SCHIP1: variants seen among roughly 807,000 people sequenced by gnomAD.
The protein encoded by SCHIP1 is schwannomin-interacting protein 1.
A neutral mutation model predicts 29.7 loss-of-function variants in SCHIP1; 8 were observed. The ratio of observed to expected loss-of-function variants is 0.27; its 90% CI spans 0.16 to 0.49. The LOEUF (loss-of-function observed/expected upper bound fraction) is 0.49. SCHIP1 is among the 20% of genes least tolerant of loss of function. The pLI, the probability that SCHIP1 is intolerant of heterozygous loss-of-function variation, is 0.99. For synonymous variants in SCHIP1, 76 were observed against 94.9 expected, an observed-to-expected ratio of 0.80 and a Z score of 1.16; for missense variants, 193 against 294.6, an observed-to-expected ratio of 0.66 and a Z score of 2.52.
At chr3:159,812,621 ATTG>A in the SCHIP1 span, among the ~76,000 whole-genome samples, 1 of 152,218 alleles carries the variant, frequency 6.6e-6, no homozygotes, top group Non-Finnish European at 1.5e-5. Flanking sequence ...AATAATCAGT[ATTG>A]TTAATTGAAA....
chr3:159,500,433 G>A, the SCHIP1 span, among the ~76,000 whole-genome samples: 3 of 152,194 alleles, frequency 2.0e-5, no homozygotes, highest in East Asian at 5.8e-4. Context: ...AAGAGACCAG[G>A]CTGGGCATGT....
At chr3:159,674,912 CG>C in the SCHIP1 span, among the ~76,000 whole-genome samples, 21 of 152,270 alleles carry the variant, frequency 1.4e-4, no homozygotes, top group African/African-American at 4.8e-4. Flanking sequence ...GCAGTATCTA[CG>C]GAGTTTAAGG....
chr3:159,626,086 T>TATATA, the SCHIP1 span, among the ~76,000 whole-genome samples: 4 of 103,600 alleles, frequency 3.9e-5, no homozygotes, highest in South Asian at 3.1e-4. Flanking sequence ...AGAGTGCAGC[T>TATATA]TATATAGATA....
At chr3:159,385,847 C>G in the SCHIP1 span, among the ~76,000 whole-genome samples, 1 of 152,158 alleles carries the variant, frequency 6.6e-6, no homozygotes, top group Admixed American at 6.5e-5. Flanking sequence ...CCTCCCCTAG[C>G]CCCCCATCCC....
At chr3:159,532,227 T>G in the SCHIP1 span, among the ~76,000 whole-genome samples, 1 of 152,214 alleles carries the variant, frequency 6.6e-6, no homozygotes. Context: ...TTTTAGCTGT[T>G]GAGTATTTTA....
chr3:159,486,989 C>T, the SCHIP1 span, among the ~76,000 whole-genome samples: 8 of 152,186 alleles, frequency 5.3e-5, no homozygotes, highest in Admixed American at 2.6e-4. Flanking sequence ...TTTTTGGCAG[C>T]TAGCAATGTC....
At chr3:159,664,561 C>A in the SCHIP1 span, among the ~76,000 whole-genome samples, 1 of 151,852 alleles carries the variant, frequency 6.6e-6, no homozygotes, top group African/African-American at 2.4e-5. Flanking sequence ...TAGAGTTTTC[C>A]TAATTTATGT....
the SCHIP1 span, among the ~76,000 whole-genome samples, chr3:159,308,529 T>G: frequency 6.6e-6 from 1 of 152,090 alleles, no homozygotes; most frequent in Non-Finnish European, 1.5e-5. Flanking sequence ...CTGGTAAGAC[T>G]ATGGAGAAAA....
the SCHIP1 span, among the ~76,000 whole-genome samples, chr3:159,395,333 G>A: frequency 6.6e-6 from 1 of 152,148 alleles, no homozygotes; most frequent in South Asian, 2.1e-4. Flanking sequence ...GTTCTGCTCT[G>A]ATTTTAGTTA....
chr3:159,734,024 C>T, the SCHIP1 span, among the ~76,000 whole-genome samples: 1 of 151,722 alleles, frequency 6.6e-6, no homozygotes, highest in Non-Finnish European at 1.5e-5. Flanking sequence ...ATCCAGAAAG[C>T]AGTGTCAAAT....
At chr3:159,359,786 A>G in the SCHIP1 span, among the ~76,000 whole-genome samples, 2 of 152,222 alleles carry the variant, frequency 1.3e-5, no homozygotes, top group African/African-American at 2.4e-5. Context: ...TAAGCCAATA[A>G]TCAAAGGGCT....
the SCHIP1 span, among the ~76,000 whole-genome samples, chr3:159,669,565 C>T: frequency 2.0e-5 from 3 of 152,206 alleles, no homozygotes; most frequent in Non-Finnish European, 2.9e-5. Flanking sequence ...ATTTTATGCA[C>T]AGATCTTTTC....
chr3:159,593,422 C>T, the SCHIP1 span, among the ~76,000 whole-genome samples: 39 of 152,206 alleles, frequency 2.6e-4, no homozygotes, highest in African/African-American at 8.7e-4. Flanking sequence ...CTGCACCAAC[C>T]CAGAATATCA....
chr3:159,344,228 G>A, the SCHIP1 span, among the ~76,000 whole-genome samples: 1 of 151,782 alleles, frequency 6.6e-6, no homozygotes, highest in Admixed American at 6.6e-5. Context: ...GGCTGAGGCA[G>A]GAGAATCGCT....
At chr3:159,606,970 T>C in the SCHIP1 span, among the ~76,000 whole-genome samples, 1 of 152,200 alleles carries the variant, frequency 6.6e-6, no homozygotes, top group Non-Finnish European at 1.5e-5. Context: ...AGGAGAAGAC[T>C]CACACAAAAC....
chr3:159,493,379 T>C, the SCHIP1 span, among the ~76,000 whole-genome samples: 5 of 152,026 alleles, frequency 3.3e-5, no homozygotes, highest in Non-Finnish European at 1.5e-5. Context: ...GAGATACACA[T>C]AGGCTCAAAA....
the SCHIP1 span, among the ~76,000 whole-genome samples, chr3:159,606,094 G>A: frequency 6.6e-6 from 1 of 152,152 alleles, no homozygotes; most frequent in Non-Finnish European, 1.5e-5. Flanking sequence ...AAATACTGCA[G>A]AATTGGCAGT....
At chr3:159,826,491 T>G in the SCHIP1 span, among the ~76,000 whole-genome samples, 1 of 152,236 alleles carries the variant, frequency 6.6e-6, no homozygotes, top group African/African-American at 2.4e-5. Context: ...CCAGTTGCTC[T>G]TCCTCACAGT....
At chr3:159,314,894 A>T in the SCHIP1 span, among the ~76,000 whole-genome samples, 1 of 152,152 alleles carries the variant, frequency 6.6e-6, no homozygotes, top group African/African-American at 2.4e-5. Context: ...CAGCCTATTT[A>T]TCTGTTCTAT....
Sources: gnomAD v4.1 joint callset for allele counts (sites outside exome capture counted in the v4.1 genomes callset) on GRCh38, gnomAD v4.1.1 for gene constraint, MANE v1.5 for transcripts, NCBI Gene and HGNC (gene_info 2026-07-23, HGNC 2026-07-21) for gene names.